MARCHF6: variants seen among roughly 807,000 people sequenced by gnomAD.
The protein encoded by MARCHF6 is membrane associated ring-CH-type finger 6, also known as E3 ubiquitin-protein ligase MARCHF6.
Under a neutral mutation model 133.7 loss-of-function variants are expected in MARCHF6, and 31 were observed. That is an observed-to-expected ratio of 0.23 (90% confidence interval 0.17 to 0.31). The LOEUF (loss-of-function observed/expected upper bound fraction) is 0.31, where lower values mean the gene tolerates loss of function less well. Among genes scored for constraint, MARCHF6 ranks in the 10% least tolerant of loss-of-function variants. The pLI is 1.00. For missense variants in MARCHF6, 723 were observed against 1,121.6 expected (o/e 0.64, Z 5.08); for synonymous variants, 395 against 402.5 (o/e 0.98, Z 0.22).
At chr5:10,396,547 C>CT (rs1314126757) in intron 9 of MARCHF6, among the ~76,000 whole-genome samples, 6 of 152,044 alleles carry the variant, frequency 3.9e-5, no homozygotes, top group Non-Finnish European at 8.8e-5. Context: ...CAGAGAAATC[C>CT]TTTTTTTAGA....
chr5:10,374,918 C>T (rs769944375), intron 1 of MARCHF6, among the ~76,000 whole-genome samples: 3 of 152,198 alleles, frequency 2.0e-5, no homozygotes, highest in Non-Finnish European at 4.4e-5. Context: ...CAGGATTGTC[C>T]CATTGATAGT....
chr5:10,411,413 C>T lies in MARCHF6; in HGVS notation c.1772C>T (p.Ala591Val), dbSNP rs768593757. ...ANQQVNNNQH[A>V]RNNNAIPVVG... ...CAACAAGTTAACAATAATCAGCATG[C>T]TCGAAATAACAACGCTATTCCTGTG... The change falls in exon 19 of 26, where the codon GCT becomes GTT. Residue 591 changes from alanine to valine, a missense_variant. Transcript: ENST00000274140. 2 of 1,614,162 alleles carry T rather than the reference C, an allele frequency of 1.2e-6. No homozygotes were observed. The highest frequency in any genetic ancestry group is 1.7e-5 in the Admixed American group (1 of 60,034).
intron 1 of MARCHF6, among the ~76,000 whole-genome samples, chr5:10,373,347 C>T (rs187034951): frequency 6.6e-6 from 1 of 152,284 alleles, no homozygotes; most frequent in Non-Finnish European, 1.5e-5. Context: ...CCCACTCCAC[C>T]TGTCCTGTTC....
At chr5:10,390,972 G>A (rs528986052) in intron 6 of MARCHF6, among the ~76,000 whole-genome samples, 2 of 152,216 alleles carry the variant, frequency 1.3e-5, no homozygotes, top group East Asian at 1.9e-4. Context: ...CTGTTAATCC[G>A]CTAAATTATA....
intron 17 of MARCHF6, 63 bp from the exon 18 acceptor site, chr5:10,410,076 A>G (rs1258243772): frequency 1.3e-6 from 2 of 1,527,642 alleles, no homozygotes; most frequent in Non-Finnish European, 1.8e-6. Context: ...GTTGCGTTGT[A>G]ATCCCATTAA....
At chr5:10,411,205 A>G (rs1739211426) in intron 18 of MARCHF6, 128 bp from the exon 19 acceptor site, 2 of 725,180 alleles carry the variant, frequency 2.8e-6, no homozygotes, top group Non-Finnish European at 4.7e-6. Flanking sequence ...TTAGGTAATA[A>G]TGTGGTGCAC....
rs185355930 is a variant in MARCHF6, at chr5:10,385,396, T to C, written c.335-1598T>C. ...AATAGGATGAGTGGGAAACAGCAAATAAAATTTGGAAATTTCAAACAAAGG... is the reference window on the plus strand; with the variant it reads ...AATAGGATGAGTGGGAAACAGCAAACAAAATTTGGAAATTTCAAACAAAGG... On this transcript the variant is annotated intron_variant, in intron 4 of 25. Transcript: ENST00000274140. Among the ~76,000 whole-genome samples, 3 of 152,012 alleles carry C rather than the reference T, an allele frequency of 2.0e-5. No homozygotes were observed. In the East Asian group the frequency reaches 5.8e-4, roughly 29 times the overall value.
intron 1 of MARCHF6, among the ~76,000 whole-genome samples, chr5:10,375,761 G>T (rs989566582): frequency 1.3e-5 from 2 of 152,180 alleles, no homozygotes; most frequent in Non-Finnish European, 2.9e-5. Flanking sequence ...TGGAGCCTTG[G>T]AGAACCTTTA....
At chr5:10,423,671 C>T (rs1739939517) in intron 22 of MARCHF6, 64 bp from the exon 23 acceptor site, 2 of 1,042,190 alleles carry the variant, frequency 1.9e-6, no homozygotes, top group East Asian at 2.5e-5. Flanking sequence ...AATTATACAG[C>T]CTCTCTGCTG....
Position 10,433,760 on chromosome 5 carries a change from C to A in MARCHF6, c.*76C>A. On this transcript the variant is annotated 3_prime_UTR_variant, in exon 26 of 26. Transcript: ENST00000274140. Reference sequence around the variant, plus strand: ...GACTTCTCTCTTTGGAGATTTTTCCCAGTGATCTCTCAGCGTTGTTTTTAA... The same window carrying A: ...GACTTCTCTCTTTGGAGATTTTTCCAAGTGATCTCTCAGCGTTGTTTTTAA... 1 of 1,191,432 alleles carries A rather than the reference C, an allele frequency of 8.4e-7. No homozygotes were observed. The highest frequency in any genetic ancestry group is 1.3e-6 in the Non-Finnish European group (1 of 798,498). 73.8% of individuals were successfully genotyped at this position (1,191,432 alleles called of 1,614,324 possible).
chr5:10,407,671 A>C (rs567381049), intron 17 of MARCHF6, among the ~76,000 whole-genome samples: 1 of 152,274 alleles, frequency 6.6e-6, no homozygotes, highest in East Asian at 1.9e-4. Context: ...AAGTGGGCTA[A>C]GGCCAGGCGT....
At chr5:10,378,714 T>TG (rs1736937614) in intron 2 of MARCHF6, 45 bp from the exon 3 acceptor site, 4 of 1,170,888 alleles carry the variant, frequency 3.4e-6, no homozygotes, top group Non-Finnish European at 3.8e-6. Flanking sequence ...CTGTAATGTT[T>TG]CTTTGCTGTA....
intron 22 of MARCHF6, among the ~76,000 whole-genome samples, chr5:10,421,746 T>C (rs1002937635): frequency 3.9e-5 from 6 of 152,204 alleles, no homozygotes; most frequent in Non-Finnish European, 8.8e-5. Context: ...GGTTGTTGCA[T>C]CTTCCCTGCC....
chr5:10,356,534 T>C (rs1735485347), intron 1 of MARCHF6, among the ~76,000 whole-genome samples: 1 of 151,888 alleles, frequency 6.6e-6, no homozygotes, highest in East Asian at 1.9e-4. Flanking sequence ...TAGCTGGGAT[T>C]ACAGGAGCGC....
intron 1 of MARCHF6, among the ~76,000 whole-genome samples, chr5:10,356,686 G>A (rs1735497437): frequency 1.3e-5 from 2 of 152,096 alleles, no homozygotes; most frequent in Non-Finnish European, 2.9e-5. Context: ...GTGAGCTACC[G>A]TTCCTGGCCG....
chr5:10,426,854 T>C (rs1240698092), intron 24 of MARCHF6, among the ~76,000 whole-genome samples: 1 of 152,198 alleles, frequency 6.6e-6, no homozygotes, highest in Non-Finnish European at 1.5e-5. Context: ...AGTAACAGTG[T>C]TGTTGTATTT....
At chr5:10,429,412 T>G (rs899212538) in intron 24 of MARCHF6, among the ~76,000 whole-genome samples, 5 of 147,806 alleles carry the variant, frequency 3.4e-5, no homozygotes, top group African/African-American at 1.3e-4. Context: ...TTTTTTTTTT[T>G]GAGGCAGGGT....
chr5:10,416,099 G>C (rs1320958812), intron 21 of MARCHF6, among the ~76,000 whole-genome samples: 1 of 152,110 alleles, frequency 6.6e-6, no homozygotes, highest in African/African-American at 2.4e-5. Context: ...ACCTACACAT[G>C]CTTATATTAC....
chr5:10,430,270 G>A (rs1319110706), intron 25 of MARCHF6, among the ~76,000 whole-genome samples: 1 of 137,764 alleles, frequency 7.3e-6, no homozygotes, highest in Non-Finnish European at 1.6e-5. Context: ...GGGTGAAACT[G>A]TTTTGGAGAG....
Sources: gnomAD v4.1 joint callset for allele counts (sites outside exome capture counted in the v4.1 genomes callset) on GRCh38, gnomAD v4.1.1 for gene constraint, MANE v1.5 for transcripts, NCBI Gene and HGNC (gene_info 2026-07-23, HGNC 2026-07-21) for gene names.